FHIT: variants seen among roughly 807,000 people sequenced by gnomAD.
FHIT encodes the protein bis(5'-adenosyl)-triphosphatase.
Under a neutral mutation model 17.9 loss-of-function variants are expected in FHIT, and 19 were observed. That is an observed-to-expected ratio of 1.06 (90% confidence interval 0.74 to 1.56). FHIT has a LOEUF of 1.56. FHIT is among the 40% of genes most tolerant of loss of function. The probability of loss-of-function intolerance (pLI) is 0.00; values close to 1 mark genes in which losing one functional copy is unlikely to be tolerated. For synonymous variants in FHIT, 81 were observed against 69.7 expected, an observed-to-expected ratio of 1.16 and a Z score of -0.81; for missense variants, 248 against 189.2, an observed-to-expected ratio of 1.31 and a Z score of -1.82.
At chr3:60,899,146 A>T (rs1327059186) in intron 3 of FHIT, among the ~76,000 whole-genome samples, 3 of 152,234 alleles carry the variant, frequency 2.0e-5, no homozygotes, top group African/African-American at 7.2e-5. Context: ...AAATAATGCC[A>T]TTCCTGAAAA....
At chr3:60,982,852 A>C (rs1710554645) in intron 3 of FHIT, among the ~76,000 whole-genome samples, 1 of 152,166 alleles carries the variant, frequency 6.6e-6, no homozygotes, top group Non-Finnish European at 1.5e-5. Context: ...AGCTTCCATC[A>C]CTATTTAAAT....
At chr3:60,398,065 C>T (rs1701519441) in intron 5 of FHIT, among the ~76,000 whole-genome samples, 1 of 152,080 alleles carries the variant, frequency 6.6e-6, no homozygotes. Context: ...ATGAATTCTA[C>T]TCTACTAACT....
At chr3:60,483,718 T>C (rs1230880281) in intron 5 of FHIT, among the ~76,000 whole-genome samples, 1 of 152,134 alleles carries the variant, frequency 6.6e-6, no homozygotes, top group East Asian at 1.9e-4. Context: ...CCATAGCTAA[T>C]ATCATATTGA....
At chr3:61,235,265 A>T (rs1419223459) in intron 1 of FHIT, among the ~76,000 whole-genome samples, 1 of 152,164 alleles carries the variant, frequency 6.6e-6, no homozygotes, top group Non-Finnish European at 1.5e-5. Context: ...CCACTTGCCA[A>T]CTGGGTGTCC....
chr3:59,772,652 A>C (rs1420310061), intron 8 of FHIT, among the ~76,000 whole-genome samples: 1 of 152,200 alleles, frequency 6.6e-6, no homozygotes. Context: ...AGGCAATGCC[A>C]CAAAAAATGT....
intron 4 of FHIT, among the ~76,000 whole-genome samples, chr3:60,663,437 T>A (rs938131279): frequency 7.3e-5 from 11 of 151,640 alleles, no homozygotes; most frequent in African/African-American, 2.2e-4. Flanking sequence ...ATTTACTTAT[T>A]TATTTATTTA....
At chr3:61,189,288 A>G (rs924022536) in intron 2 of FHIT, among the ~76,000 whole-genome samples, 26 of 152,288 alleles carry the variant, frequency 1.7e-4, no homozygotes, top group African/African-American at 6.0e-4. Flanking sequence ...ATACACCAAT[A>G]ACAGACAAAC....
intron 3 of FHIT, among the ~76,000 whole-genome samples, chr3:60,927,830 C>T (rs9853958): frequency 0.26 from 39,246 of 152,212 alleles, 5,160 homozygotes; most frequent in Middle Eastern, 0.32. Context: ...TCATTGAGAA[C>T]AGGCCATGAC....
At chr3:60,735,661 CAT>C (rs782769107) in intron 4 of FHIT, among the ~76,000 whole-genome samples, 19 of 152,304 alleles carry the variant, frequency 1.2e-4, no homozygotes, top group Non-Finnish European at 2.4e-4. Context: ...ATGATAGAGA[CAT>C]ATTTCTGATG....
intron 2 of FHIT, among the ~76,000 whole-genome samples, chr3:61,189,713 A>G (rs2038650467): frequency 1.3e-5 from 2 of 152,300 alleles, no homozygotes; most frequent in African/African-American, 4.8e-5. Context: ...CCAAAACAGC[A>G]TGGTACTGGT....
chr3:60,594,708 C>T (rs2038202448), intron 4 of FHIT, among the ~76,000 whole-genome samples: 1 of 152,090 alleles, frequency 6.6e-6, no homozygotes, highest in Non-Finnish European at 1.5e-5. Flanking sequence ...TGGCTGCCAC[C>T]CTTGTTCTAG....
At chr3:60,527,970 G>A (rs1227570692) in intron 5 of FHIT, among the ~76,000 whole-genome samples, 4 of 152,212 alleles carry the variant, frequency 2.6e-5, no homozygotes, top group Non-Finnish European at 2.9e-5. Flanking sequence ...ATAGGCCAAT[G>A]AGGATAGAAC....
chr3:60,506,299 A>C (rs2034726393), intron 5 of FHIT, among the ~76,000 whole-genome samples: 1 of 152,162 alleles, frequency 6.6e-6, no homozygotes, highest in Non-Finnish European at 1.5e-5. Context: ...ATTCCATAGG[A>C]TCTGTAGCAA....
intron 4 of FHIT, among the ~76,000 whole-genome samples, chr3:60,747,165 G>C (rs11710387): frequency 7.9e-4 from 119 of 150,562 alleles, no homozygotes; most frequent in Non-Finnish European, 1.5e-3. Flanking sequence ...CTCTGTGTAT[G>C]TGAGTATTCT....
At chr3:60,239,577 A>C (rs1318506779) in intron 5 of FHIT, among the ~76,000 whole-genome samples, 1 of 152,134 alleles carries the variant, frequency 6.6e-6, no homozygotes, top group Non-Finnish European at 1.5e-5. Flanking sequence ...AACAAAAAAC[A>C]GAATCTTTTT....
At chr3:60,171,810 A>G (rs764465110) in intron 5 of FHIT, among the ~76,000 whole-genome samples, 1 of 152,016 alleles carries the variant, frequency 6.6e-6, no homozygotes, top group Non-Finnish European at 1.5e-5. Flanking sequence ...GGCTCAAGCA[A>G]TCCTCTTGCC....
chr3:61,040,104 C>T lies in FHIT; in HGVS notation c.-111+1943G>A, dbSNP rs184820183. ...ATTTGCAAACCTCAAAGGGGTTTAA[C>T]GAAACCTTACTCTCCCCTTTAAATG... On this transcript the variant is annotated intron_variant, in intron 3 of 9. Transcript: ENST00000492590. Among the ~76,000 whole-genome samples, 201 of 152,274 alleles carry T rather than the reference C, an allele frequency of 1.3e-3. 1 individual carries two copies. The highest frequency in any genetic ancestry group is 4.7e-3 in the African/African-American group (195 of 41,554).
At chr3:60,763,754 G>A (rs1415112296) in intron 4 of FHIT, among the ~76,000 whole-genome samples, 4 of 152,164 alleles carry the variant, frequency 2.6e-5, no homozygotes, top group Non-Finnish European at 5.9e-5. Flanking sequence ...CACAAATCAA[G>A]ACTCATATTA....
rs1197155590 is a variant in FHIT at position 60,755,689 on chromosome 3, T to A, written c.-18+66230A>T. 2.0e-5 allele frequency among the ~76,000 whole-genome samples: 3 copies of A among 152,346 alleles called. No individual in the cohort carries two copies. The East Asian group carries it at 5.8e-4, about 29-fold the overall frequency. On this transcript the variant is annotated intron_variant, in intron 4 of 9. Coordinates refer to ENST00000492590, the MANE Select transcript of FHIT (RefSeq NM_002012.4). ...GGCTTTAACTTAATTATCTTTAATT[T>A]AGCTTATTTAAAGTTTCAAATAACA...
Sources: gnomAD v4.1 joint callset for allele counts (sites outside exome capture counted in the v4.1 genomes callset) on GRCh38, gnomAD v4.1.1 for gene constraint, MANE v1.5 for transcripts, NCBI Gene and HGNC (gene_info 2026-07-23, HGNC 2026-07-21) for gene names.